The following STARD13 variants were observed in gnomAD, a reference collection of about 807,000 sequenced individuals.
STARD13 encodes stAR-related lipid transfer protein 13.
In STARD13, 62 loss-of-function variants were observed where a neutral mutation model predicts 106.4. The observed-to-expected ratio is 0.58, with a 90% CI of 0.48 to 0.72. The LOEUF (loss-of-function observed/expected upper bound fraction) is 0.72, where lower values mean the gene tolerates loss of function less well. STARD13 is among the 30% of genes least tolerant of loss of function. The pLI is 0.00. For synonymous variants in STARD13, 565 were observed against 553.0 expected (o/e 1.02, Z -0.31); for missense variants, 1,387 against 1,424.0 (o/e 0.97, Z 0.42).
In STARD13 at chr13:33,165,420, TGA is replaced by T; in HGVS notation, c.242-4_242-3del. 6.2e-7 allele frequency: 1 copy of T among 1,612,102 alleles called. No homozygotes were observed. The highest frequency in any genetic ancestry group is 8.5e-7 in the Non-Finnish European group (1 of 1,178,210). On this transcript the variant is annotated splice_polypyrimidine_tract_variant and splice_region_variant and intron_variant, in intron 2 of 13. Coordinates refer to ENST00000336934, the MANE Select transcript of STARD13 (RefSeq NM_178006.4). ...CAATGTTGATGGGAAATTGTGAATC[TGA>T]GAGAGAAAGACAAAGAAGTTGATGT...
chr13:33,331,360 T>C (rs948704124), intron 1 of STARD13, among the ~76,000 whole-genome samples: 23 of 151,644 alleles, frequency 1.5e-4, no homozygotes, highest in African/African-American at 5.6e-4. Flanking sequence ...TCTTGTTTTG[T>C]TTTGTTTTGA....
At chr13:33,434,352 CAAAAAA>C in the STARD13 span, among the ~76,000 whole-genome samples, 141 of 70,314 alleles carry the variant, frequency 2.0e-3, 1 homozygote, top group Admixed American at 8.3e-3. Flanking sequence ...GACTCTGTCT[CAAAAAA>C]AAAAAAAAAA....
At chr13:33,480,897 C>G in the STARD13 span, among the ~76,000 whole-genome samples, 1,566 of 152,172 alleles carry the variant, frequency 0.01, 67 homozygotes, top group East Asian at 0.13. Flanking sequence ...ATCCGGGAAG[C>G]TATTAATAAT....
At chr13:33,319,995 T>A (rs1031482658) in intron 1 of STARD13, among the ~76,000 whole-genome samples, 4 of 152,258 alleles carry the variant, frequency 2.6e-5, no homozygotes, top group Admixed American at 2.6e-4. Context: ...CATCTCAACA[T>A]CCTCCTCTGT....
chr13:33,131,729 G>T (rs1430823852), intron 4 of STARD13, among the ~76,000 whole-genome samples: 2 of 152,088 alleles, frequency 1.3e-5, no homozygotes, highest in East Asian at 1.9e-4. Context: ...TACTCTACCT[G>T]GGTGTTCAGT....
chr13:33,465,245 A>G, the STARD13 span, among the ~76,000 whole-genome samples: 1 of 125,176 alleles, frequency 8.0e-6, no homozygotes, highest in Non-Finnish European at 1.6e-5. Flanking sequence ...TCACTCTGTC[A>G]CCCAGCCTGG....
intron 3 of STARD13, among the ~76,000 whole-genome samples, chr13:33,149,278 GGGCGGGGGGCTGTGCCTGT>G (rs1398310568): frequency 2.0e-5 from 3 of 152,122 alleles, no homozygotes; most frequent in South Asian, 2.1e-4. Flanking sequence ...GATAGTGAGT[GGGCGGGGGGCTGTGCCTGT>G]GTGGGAACAG....
chr13:33,540,432 G>C, the STARD13 span, among the ~76,000 whole-genome samples: 1 of 152,214 alleles, frequency 6.6e-6, no homozygotes, highest in Non-Finnish European at 1.5e-5. Context: ...GGTGATAGTT[G>C]ATAACTGTGA....
At chr13:33,386,507 G>A in the STARD13 span, among the ~76,000 whole-genome samples, 1 of 152,116 alleles carries the variant, frequency 6.6e-6, no homozygotes, top group Non-Finnish European at 1.5e-5. Flanking sequence ...CCCTGGGTGT[G>A]TGGTGGCCTC....
chr13:33,490,713 C>A, the STARD13 span, among the ~76,000 whole-genome samples: 2 of 152,178 alleles, frequency 1.3e-5, no homozygotes, highest in Non-Finnish European at 2.9e-5. Context: ...CCGTGTGTGA[C>A]CCAATTTTTC....
At chr13:33,524,280 A>G in the STARD13 span, 1 of 1,281,476 alleles carries the variant, frequency 7.8e-7, no homozygotes, top group Non-Finnish European at 1.0e-6. Context: ...GGCTTGGCAC[A>G]CCATCAAGAT....
chr13:33,568,140 G>T, the STARD13 span, among the ~76,000 whole-genome samples: 2 of 148,092 alleles, frequency 1.4e-5, 1 homozygote, highest in African/African-American at 4.9e-5. Flanking sequence ...TTATCCCTGA[G>T]AAGTAGTTCC....
intron 1 of STARD13, among the ~76,000 whole-genome samples, chr13:33,316,147 T>C (rs1287016227): frequency 6.6e-6 from 1 of 152,228 alleles, no homozygotes; most frequent in Admixed American, 6.5e-5. Context: ...CTTCAGACTC[T>C]ACCTTCTGCC....
chr13:33,444,535 G>A, the STARD13 span, among the ~76,000 whole-genome samples: 107 of 152,272 alleles, frequency 7.0e-4, no homozygotes, highest in African/African-American at 2.5e-3. Context: ...GGAGGCCAAG[G>A]TGGGAGGATT....
intron 2 of STARD13, 58 bp downstream of exon 2, chr13:33,167,493 C>A: frequency 6.4e-7 from 1 of 1,551,678 alleles, no homozygotes. Context: ...CCACAGGATA[C>A]GTGTGGTTCA....
the STARD13 span, among the ~76,000 whole-genome samples, chr13:33,437,937 G>C: frequency 1.3e-5 from 2 of 152,116 alleles, no homozygotes; most frequent in African/African-American, 2.4e-5. Flanking sequence ...GGCTGTAGTA[G>C]ACCGAACTCT....
At chr13:33,105,838 C>G in intron 13 of STARD13, 128 bp from the exon 14 acceptor site, 1 of 745,976 alleles carries the variant, frequency 1.3e-6, no homozygotes, top group East Asian at 2.5e-5. Context: ...GGGCTGCTGC[C>G]TTGAGGGGCT....
the STARD13 span, among the ~76,000 whole-genome samples, chr13:33,461,443 C>T: frequency 6.6e-6 from 1 of 152,136 alleles, no homozygotes; most frequent in Non-Finnish European, 1.5e-5. Context: ...GTATTATTAG[C>T]ACTCCATTTA....
Position 33,130,125 on chromosome 13 carries a change from C to A in STARD13, c.552G>T (p.Glu184Asp). ...GTGMRNTTSS[E>D]SVLTDLSEPE... ...GCTCGCTCAGGTCTGTGAGGACGCT[C>A]TCACTGCTGGTCGTGTTCCTCATCC... The change falls in exon 5 of 14, where the codon GAG (glutamate) becomes GAT (aspartate). Residue 184 changes from glutamate to aspartate, a missense_variant. Glu to Asp is a conservative substitution (Grantham distance 45). Transcript: ENST00000336934. This position sits in a 1 kb window ranked among gnomAD's most constrained non-coding sequence, Gnocchi z 4.1. The A allele has an allele frequency of 3.7e-6, 6 of 1,614,016 alleles. 1 individual carries two copies. The East Asian group carries it at 1.3e-4, about 36-fold the overall frequency.
Sources: gnomAD v4.1 joint callset for allele counts (sites outside exome capture counted in the v4.1 genomes callset) on GRCh38, gnomAD v4.1.1 for gene constraint, Gnocchi (gnomAD v3.1) non-coding constraint, MANE v1.5 for transcripts, NCBI Gene and HGNC (gene_info 2026-07-23, HGNC 2026-07-21) for gene names.